Variants in ABCA13 observed in about 807,000 individuals in gnomAD.
The protein encoded by ABCA13 is ATP-binding cassette sub-family A member 13.
In ABCA13, 476 loss-of-function variants were observed where a neutral mutation model predicts 478.7. That is an observed-to-expected ratio of 0.99 (90% CI 0.92 to 1.07). ABCA13 has a LOEUF of 1.07. ABCA13 is among the 50% of genes least tolerant of loss of function. ABCA13 has a pLI of 0.00. For missense variants in ABCA13, 6,060 were observed against 5,910.6 expected, an observed-to-expected ratio of 1.03 and a Z score of -0.83; for synonymous variants, 2,252 against 2,158.9, an observed-to-expected ratio of 1.04 and a Z score of -1.20.
chr7:48,245,718 G>C, intron 12 of ABCA13, 106 bp downstream of exon 12: 1 of 1,399,590 alleles, frequency 7.1e-7, no homozygotes, highest in Non-Finnish European at 9.7e-7. Flanking sequence ...AGCTAAAAAA[G>C]GGAACAATAT....
intron 43 of ABCA13, 117 bp from the exon 44 acceptor site, chr7:48,466,839 C>T (rs1270372312): frequency 1.1e-6 from 1 of 921,746 alleles, no homozygotes; most frequent in Non-Finnish European, 1.8e-6. Flanking sequence ...TACTAGGAAT[C>T]ATTAGATGGA....
intron 31 of ABCA13, among the ~76,000 whole-genome samples, chr7:48,364,009 G>A (rs1424026784): frequency 1.3e-5 from 2 of 151,900 alleles, no homozygotes; most frequent in Non-Finnish European, 2.9e-5. Flanking sequence ...TTTATTTCTT[G>A]CCCAAATGTT....
chr7:48,411,676 A>G (rs1819263155), intron 40 of ABCA13, among the ~76,000 whole-genome samples: 2 of 152,182 alleles, frequency 1.3e-5, no homozygotes, highest in African/African-American at 2.4e-5. Context: ...ACAAGAGAGT[A>G]GTGAGGGTAT....
rs1796586954 is a variant in ABCA13, at chr7:48,278,452, T to C, written c.7258T>C (p.Ser2420Pro). 1 of 1,613,986 alleles carries C rather than the reference T, an allele frequency of 6.2e-7. No individual in the cohort carries two copies. Residue 2420 changes from serine (S) to proline (P), a missense_variant, in exon 18 of 62, where the codon TCA becomes CCA. Transcript: ENST00000435803. ...GSALHLVREC[S>P]TEMARLLDTI... is the part of the protein sequence containing the mutation. ...AGCTCTTCACCTTGTAAGAGAATGT[T>C]CAACAGAGATGGCAAGACTTCTGGA...
intron 47 of ABCA13, 57 bp downstream of exon 47, chr7:48,483,220 A>G (rs1408365114): frequency 2.8e-6 from 4 of 1,451,290 alleles, no homozygotes; most frequent in African/African-American, 1.4e-5. Flanking sequence ...AAAACTCAAC[A>G]TTCAAATATA....
intron 29 of ABCA13, among the ~76,000 whole-genome samples, chr7:48,348,781 G>T (rs1341003569): frequency 6.6e-6 from 1 of 152,168 alleles, no homozygotes; most frequent in Non-Finnish European, 1.5e-5. Flanking sequence ...CTCTTTCAGA[G>T]CCCTACAATA....
intron 27 of ABCA13, among the ~76,000 whole-genome samples, chr7:48,324,516 A>G (rs1171476707): frequency 7.2e-5 from 11 of 152,168 alleles, no homozygotes; most frequent in Admixed American, 6.5e-4. Flanking sequence ...ATCTTTTACC[A>G]CTTGTAAATG....
At chr7:48,631,614 T>C (rs2131638812) in intron 59 of ABCA13, among the ~76,000 whole-genome samples, 1 of 152,260 alleles carries the variant, frequency 6.6e-6, no homozygotes, top group East Asian at 1.9e-4. Flanking sequence ...TCTTTTTTAT[T>C]AAGATTGCTT....
chr7:48,285,209 C>A lies in ABCA13; in HGVS notation c.8837-2751C>A, dbSNP rs572834157. On this transcript the variant is annotated intron_variant, in intron 19 of 61. Transcript: ENST00000435803. ...CAGAGCCCATTTCCAGTTGAAGAGA[C>A]CTGAGAGGGTCCATGGGGCTGAAGG... is the stretch of plus-strand genomic sequence containing the variant. 4.6e-5 allele frequency among the ~76,000 whole-genome samples: 7 copies of A among 152,158 alleles called. No homozygotes were observed. In the East Asian group the frequency reaches 5.8e-4, roughly 13 times the overall value.
chr7:48,275,923 T>A lies in ABCA13; in HGVS notation c.6257T>A (p.Ile2086Asn). Residue 2086 changes from isoleucine to asparagine, a missense_variant, in exon 17 of 62, where the codon ATC (isoleucine) becomes AAC (asparagine). Around this residue, in one of 3 missense-constraint regions of ABCA13, gnomAD observed 4,423 missense variants for 4,309.1 expected, o/e 1.03. Transcript: ENST00000435803. ...CTGCTTTCTGAAATGAACAAAGGAA[T>A]CAAAAGTATAAATTCAATGGCTCTT... is the stretch of plus-strand genomic sequence containing the variant. ...RHLLSEMNKG[I>N]KSINSMALQK... 6.2e-7 allele frequency: 1 copy of A among 1,613,632 alleles called. No homozygotes were observed. The highest frequency in any genetic ancestry group is 2.2e-5 in the East Asian group (1 of 44,842).
Position 48,381,387 on chromosome 7 carries a change from A to G in ABCA13, c.11335+4815A>G, listed in dbSNP as rs187154643. Among the ~76,000 whole-genome samples, 369 of 150,874 alleles carry G rather than the reference A, an allele frequency of 2.4e-3. 2 individuals carry two copies. Among genetic ancestry groups the G allele is most frequent in the African/African-American group, 8.6e-3 (358 of 41,410 alleles). On this transcript the variant is annotated intron_variant, in intron 35 of 61. Coordinates refer to ENST00000435803, the MANE Select transcript of ABCA13 (RefSeq NM_152701.5). ...CATACACATACACACACACACACAC[A>G]CACGCACGCACACACCCCATACCTC...
intron 48 of ABCA13, among the ~76,000 whole-genome samples, chr7:48,496,096 T>C (rs1470546174): frequency 1.3e-5 from 2 of 152,166 alleles, no homozygotes; most frequent in African/African-American, 4.8e-5. Context: ...CCATTGCATT[T>C]AAGGTAATTA....
In ABCA13 at chr7:48,275,865, A is replaced by G. The variant is rs758889024; in HGVS notation, c.6199A>G (p.Lys2067Glu). The G allele has an allele frequency of 6.8e-6, 11 of 1,613,536 alleles. No individual in the cohort carries two copies. In the Admixed American group the frequency reaches 1.5e-4, roughly 22 times the overall value. ...ELWPKFQQIM[K>E]DLTQDFRIRH... is the part of the protein sequence containing the mutation. Reference sequence around the variant, plus strand: ...ATGGCCCAAGTTTCAACAAATCATGAAAGACCTAACCCAAGATTTTAGAAT... The same window carrying G: ...ATGGCCCAAGTTTCAACAAATCATGGAAGACCTAACCCAAGATTTTAGAAT... Residue 2067 changes from lysine (K) to glutamate (E), a missense_variant, in exon 17 of 62, where the codon AAA (lysine) becomes GAA (glutamate). This residue lies in a region of ABCA13 where 4,423 missense variants were observed against 4,309.1 expected (regional missense o/e 1.03). Transcript: ENST00000435803.
chr7:48,269,997 A>T (rs1171637236), intron 16 of ABCA13, among the ~76,000 whole-genome samples: 1 of 152,204 alleles, frequency 6.6e-6, no homozygotes, highest in African/African-American at 2.4e-5. Flanking sequence ...AAAATTTAAT[A>T]GCCCTAGAAA....
rs575819728 is a variant in ABCA13 at position 48,255,830 on chromosome 7, A to G, written c.2005+6479A>G. 3.3e-5 allele frequency among the ~76,000 whole-genome samples: 5 copies of G among 152,298 alleles called. No homozygotes were observed. In the South Asian group the frequency reaches 8.3e-4, roughly 25 times the overall value. On this transcript the variant is annotated intron_variant, in intron 15 of 61. Coordinates refer to ENST00000435803, the MANE Select transcript of ABCA13 (RefSeq NM_152701.5). ...CATTCCTTTGGGTATATACACAATA[A>G]TGGGACTGCTGGGTCAAATGGTAAT...
chr7:48,287,948 T>C lies in ABCA13; in HGVS notation c.8837-12T>C. 6.2e-7 allele frequency: 1 copy of C among 1,606,668 alleles called. No individual in the cohort carries two copies. The highest frequency in any genetic ancestry group is 1.1e-5 in the South Asian group (1 of 90,846). On this transcript the variant is annotated splice_polypyrimidine_tract_variant and intron_variant, in intron 19 of 61. Coordinates refer to ENST00000435803, the MANE Select transcript of ABCA13 (RefSeq NM_152701.5). Reference sequence around the variant, plus strand: ...GTCTATTAATTATTTCTCTGTGTGTTTCCTCTGGCAGAAAACCCTTCCTGG... The same window carrying C: ...GTCTATTAATTATTTCTCTGTGTGTCTCCTCTGGCAGAAAACCCTTCCTGG...
At chr7:48,409,430 A>G (rs1327871090) in intron 39 of ABCA13, among the ~76,000 whole-genome samples, 2 of 152,206 alleles carry the variant, frequency 1.3e-5, no homozygotes, top group Non-Finnish European at 2.9e-5. Context: ...TTTCTGCCAA[A>G]GGAAGCCATG....
intron 27 of ABCA13, among the ~76,000 whole-genome samples, chr7:48,326,170 C>G (rs1447782607): frequency 6.6e-6 from 1 of 152,144 alleles, no homozygotes; most frequent in East Asian, 1.9e-4. Flanking sequence ...GGAGCTTGCT[C>G]CATGGGAGCC....
At chr7:48,625,381 A>C (rs1793570037) in intron 59 of ABCA13, among the ~76,000 whole-genome samples, 1 of 152,228 alleles carries the variant, frequency 6.6e-6, no homozygotes, top group Admixed American at 6.5e-5. Flanking sequence ...CACAAAAATA[A>C]TTTCTGCCAT....
Sources: allele counts gnomAD v4.1 joint callset (sites outside exome capture counted in the v4.1 genomes callset), GRCh38; gene constraint gnomAD v4.1.1; regional missense constraint gnomAD v4.1.1; transcripts MANE v1.5; gene names NCBI Gene and HGNC (gene_info 2026-07-23, HGNC 2026-07-21).